The following TMX3 variants were observed in gnomAD, a reference collection of about 807,000 sequenced individuals.
TMX3 encodes thioredoxin related transmembrane protein 3, also known as protein disulfide-isomerase TMX3.
Under a neutral mutation model 64.4 loss-of-function variants are expected in TMX3, and 40 were observed. The ratio of observed to expected loss-of-function variants is 0.62; its 90% CI spans 0.48 to 0.81. The LOEUF is 0.81. TMX3 is among the 30% of genes least tolerant of loss of function. TMX3 has a pLI of 0.00. For missense variants in TMX3, 497 were observed against 534.5 expected (o/e 0.93, Z 0.69); for synonymous variants, 189 against 175.7 (o/e 1.08, Z -0.60).
At chr18:68,690,666 G>C (rs745729527) in intron 9 of TMX3, among the ~76,000 whole-genome samples, 1 of 152,200 alleles carries the variant, frequency 6.6e-6, no homozygotes, top group Non-Finnish European at 1.5e-5. Context: ...ATTACAATTT[G>C]CTTTAAAGTA....
chr18:68,712,171 T>C (rs956622606), intron 2 of TMX3, among the ~76,000 whole-genome samples: 2 of 152,052 alleles, frequency 1.3e-5, no homozygotes, highest in African/African-American at 2.4e-5. Flanking sequence ...GCCCAAGTCA[T>C]TGGAACACAT....
intron 4 of TMX3, among the ~76,000 whole-genome samples, chr18:68,706,028 T>G (rs2030624606): frequency 6.6e-6 from 1 of 152,234 alleles, no homozygotes; most frequent in Non-Finnish European, 1.5e-5. Flanking sequence ...TCTACCAAAA[T>G]AACATTCTAC....
chr18:68,706,729 T>TCCATTTTTTA (rs2030712682), intron 4 of TMX3, among the ~76,000 whole-genome samples: 1 of 152,240 alleles, frequency 6.6e-6, no homozygotes, highest in African/African-American at 2.4e-5. Context: ...TGAAAGTAAT[T>TCCATTTTTTA]CCATTTTTTA....
In TMX3 at chr18:68,676,836, G is replaced by A. The variant is rs1270770487; in HGVS notation, c.*97C>T. On this transcript the variant is annotated 3_prime_UTR_variant, in exon 16 of 16. Transcript: ENST00000299608. The stretch of plus-strand genomic sequence containing the variant: ...GATATTAGCAAAATACGAATAACAT[G>A]TTCTTTTCTGTAAAGATCATGATTA... 9.0e-6 allele frequency: 13 copies of A among 1,444,880 alleles called. No individual in the cohort carries two copies. In the Admixed American group the frequency reaches 2.1e-4, roughly 23 times the overall value. 89.5% of individuals were successfully genotyped at this position (1,444,880 alleles called of 1,614,324 possible).
intron 4 of TMX3, among the ~76,000 whole-genome samples, chr18:68,702,936 G>GT (rs1435373997): frequency 6.6e-6 from 1 of 152,166 alleles, no homozygotes; most frequent in East Asian, 1.9e-4. Context: ...TGGCCGACAC[G>GT]TATCTTCCTA....
chr18:68,713,925 A>C, intron 1 of TMX3, 25 bp from the exon 2 acceptor site: 2 of 1,514,688 alleles, frequency 1.3e-6, no homozygotes, highest in Non-Finnish European at 1.8e-6. Context: ...CAAAATGTAC[A>C]CAATAAATGC....
Position 68,708,946 on chromosome 18 carries a change from T to C in TMX3, c.265+1075A>G, listed in dbSNP as rs184382752. 4.0e-3 allele frequency among the ~76,000 whole-genome samples: 608 copies of C among 152,270 alleles called. 5 individuals carry two copies. Among genetic ancestry groups the C allele is most frequent in the Non-Finnish European group, 5.9e-3 (398 of 67,978 alleles). ...TTCCCAAAGCTACAAAAGTAGGACA[T>C]GGCAAAGTTGAGATTAAAACATAGC... On this transcript the variant is annotated intron_variant, in intron 4 of 15. Coordinates refer to ENST00000299608, the MANE Select transcript of TMX3 (RefSeq NM_019022.5).
chr18:68,698,792 G>A (rs902410014), intron 6 of TMX3, among the ~76,000 whole-genome samples: 6 of 152,106 alleles, frequency 3.9e-5, no homozygotes, highest in African/African-American at 1.2e-4. Flanking sequence ...CGAGGCGGGT[G>A]GATCATGAGG....
intron 8 of TMX3, chr18:68,696,898 A>G: frequency 4.3e-6 from 1 of 234,140 alleles, no homozygotes; most frequent in Non-Finnish European, 8.4e-6. Context: ...ACACACACAC[A>G]CATACGCACG....
intron 4 of TMX3, among the ~76,000 whole-genome samples, chr18:68,702,009 C>T (rs1269453899): frequency 6.6e-6 from 1 of 150,806 alleles, no homozygotes; most frequent in Non-Finnish European, 1.5e-5. Context: ...GCACAAAATA[C>T]TATGACAAAA....
At chr18:68,696,291 A>G (rs569641162) in intron 8 of TMX3, among the ~76,000 whole-genome samples, 1 of 152,256 alleles carries the variant, frequency 6.6e-6, no homozygotes, top group East Asian at 1.9e-4. Flanking sequence ...CTCCTGCCTC[A>G]GCCCCCTGAG....
chr18:68,684,744 T>G (rs1701561381), intron 10 of TMX3, among the ~76,000 whole-genome samples: 1 of 152,198 alleles, frequency 6.6e-6, no homozygotes, highest in African/African-American at 2.4e-5. Flanking sequence ...TAATAATTTA[T>G]ACACTTAAAT....
intron 7 of TMX3, 30 bp from the exon 8 acceptor site, chr18:68,697,333 T>C (rs753592740): frequency 3.2e-5 from 45 of 1,385,152 alleles, no homozygotes; most frequent in Admixed American, 2.9e-4. Flanking sequence ...AAAAAGATCA[T>C]TGAAAAATAT....
At chr18:68,700,697 A>C in intron 5 of TMX3, 1 of 959,036 alleles carries the variant, frequency 1.0e-6, no homozygotes, top group East Asian at 1.2e-4. Context: ...TATTAAAATT[A>C]CATGAAAATA....
Position 68,677,003 on chromosome 18 carries a change from G to T in TMX3, c.1295C>A (p.Pro432His), listed in dbSNP as rs1362101013. 2 of 1,613,616 alleles carry T rather than the reference G, an allele frequency of 1.2e-6. No homozygotes were observed. The highest frequency in any genetic ancestry group is 1.7e-6 in the Non-Finnish European group (2 of 1,179,760). The change falls in exon 16 of 16, where the codon CCC becomes CAC. Residue 432 changes from proline (P) to histidine (H), a missense_variant. Transcript: ENST00000299608. ...AGGCACTACAGATCCTCCACTGCTG[G>T]GCTCCTGCTGTTCTTTGCTCTCTTC... ...QIEESKEQQE[P>H]SSGGSVVPTV...
Position 68,698,038 on chromosome 18 carries a change from C to G in TMX3, c.393-7G>C. The G allele has an allele frequency of 6.3e-7, 1 of 1,595,268 alleles. No individual in the cohort carries two copies. The highest frequency in any genetic ancestry group is 8.6e-7 in the Non-Finnish European group (1 of 1,169,488). ...AAGTGGCCGAATTAGAGCCCTGTTG[C>G]ACAACAAAACAAAAAACAAACTTGA... On this transcript the variant is annotated splice_polypyrimidine_tract_variant and splice_region_variant and intron_variant, in intron 6 of 15. Coordinates refer to ENST00000299608, the MANE Select transcript of TMX3 (RefSeq NM_019022.5).
At chr18:68,694,256 G>C (rs1394100971) in intron 8 of TMX3, among the ~76,000 whole-genome samples, 3 of 152,220 alleles carry the variant, frequency 2.0e-5, no homozygotes, top group African/African-American at 4.8e-5. Context: ...GGCTCCCCAA[G>C]TCAGGGCTGT....
Position 68,697,977 on chromosome 18 carries a change from T to C in TMX3, c.447A>G (p.Arg149=). The change falls in exon 7 of 16, where the codon AGA becomes AGG. Residue 149 remains arginine (R), a synonymous_variant. Transcript: ENST00000299608. ...SQQMFEHMQK[R]HRVFFVYVGG... ...CTACATAAACGAAAAATACACGGTG[T>C]CTCTTCTGCATATGTTCAAACATTT... The C allele has an allele frequency of 6.2e-7, 1 of 1,612,506 alleles. No homozygotes were observed. The highest frequency in any genetic ancestry group is 8.5e-7 in the Non-Finnish European group (1 of 1,179,734).
At chr18:68,693,291 C>T (rs1436887048) in intron 8 of TMX3, among the ~76,000 whole-genome samples, 7 of 152,070 alleles carry the variant, frequency 4.6e-5, no homozygotes, top group East Asian at 1.9e-4. Flanking sequence ...CAGCGGGGGC[C>T]GGGAACAAGC....
Sources: gnomAD v4.1 joint callset for allele counts (sites outside exome capture counted in the v4.1 genomes callset) on GRCh38, gnomAD v4.1.1 for gene constraint, MANE v1.5 for transcripts, NCBI Gene and HGNC (gene_info 2026-07-23, HGNC 2026-07-21) for gene names.